HTR1F: variants seen among roughly 807,000 people sequenced by gnomAD.
HTR1F encodes 5-hydroxytryptamine receptor 1F, also known as 5-hydroxytryptamine (serotonin) receptor 1F, G protein-coupled.
HTR1F carries 17 observed loss-of-function variants against 24.0 expected under a neutral mutation model. The observed-to-expected ratio is 0.71, with a 90% CI of 0.48 to 1.06. The LOEUF (loss-of-function observed/expected upper bound fraction) is 1.06, where lower values mean the gene tolerates loss of function less well. Among genes scored for constraint, HTR1F ranks in the 50% least tolerant of loss-of-function variants. The pLI, the probability that HTR1F is intolerant of heterozygous loss-of-function variation, is 0.00. For synonymous variants in HTR1F, 186 were observed against 156.8 expected (o/e 1.19, Z -1.39); for missense variants, 391 against 427.8 (o/e 0.91, Z 0.76).
intron 2 of HTR1F, among the ~76,000 whole-genome samples, chr3:87,957,592 T>G (rs999424400): frequency 1.3e-5 from 2 of 151,404 alleles, no homozygotes; most frequent in Non-Finnish European, 3.0e-5. Flanking sequence ...TCAGATAAGG[T>G]TCTCCAGCTT....
chr3:87,849,902 A>T (rs1293180143), intron 2 of HTR1F, among the ~76,000 whole-genome samples: 2 of 151,954 alleles, frequency 1.3e-5, no homozygotes, highest in Non-Finnish European at 2.9e-5. Context: ...TCAAAACCAC[A>T]ATGAGATACC....
intron 2 of HTR1F, among the ~76,000 whole-genome samples, chr3:87,977,524 G>A (rs993932717): frequency 3.3e-5 from 5 of 149,362 alleles, no homozygotes; most frequent in African/African-American, 1.2e-4. Flanking sequence ...TCAGCCTCCT[G>A]AGTAGCTGGG....
chr3:87,989,824 AAG>A (rs1416550155), intron 2 of HTR1F, among the ~76,000 whole-genome samples: 1 of 152,202 alleles, frequency 6.6e-6, no homozygotes. Flanking sequence ...ACTGGGGAGA[AAG>A]AGAGTTTTTA....
intron 2 of HTR1F, among the ~76,000 whole-genome samples, chr3:87,923,148 G>C (rs1373357153): frequency 6.6e-6 from 1 of 151,972 alleles, no homozygotes; most frequent in Non-Finnish European, 1.5e-5. Context: ...TTGGTGCTAT[G>C]TTGTTTTGGT....
intron 2 of HTR1F, among the ~76,000 whole-genome samples, chr3:87,913,149 A>G (rs1310748638): frequency 6.6e-6 from 1 of 152,148 alleles, no homozygotes. Context: ...GAGTGAACAG[A>G]GAGTCTACAG....
intron 2 of HTR1F, among the ~76,000 whole-genome samples, chr3:87,912,953 G>C (rs1169893421): frequency 1.3e-5 from 2 of 152,158 alleles, no homozygotes; most frequent in Non-Finnish European, 2.9e-5. Context: ...ATGGATTGAA[G>C]ACTTAAATGT....
intron 2 of HTR1F, among the ~76,000 whole-genome samples, chr3:87,945,365 C>G (rs1704672861): frequency 1.3e-5 from 2 of 152,096 alleles, no homozygotes; most frequent in South Asian, 4.1e-4. Context: ...AAGTCTGAAC[C>G]ATTAGTACCT....
chr3:87,982,310 A>G (rs1705561893), intron 2 of HTR1F, among the ~76,000 whole-genome samples: 2 of 152,186 alleles, frequency 1.3e-5, no homozygotes, highest in African/African-American at 2.4e-5. Context: ...ACTTCTAAAA[A>G]TCTTAAGGGT....
At chr3:87,811,158 C>A (rs1293045207) in intron 1 of HTR1F, among the ~76,000 whole-genome samples, 1 of 151,938 alleles carries the variant, frequency 6.6e-6, no homozygotes, top group African/African-American at 2.4e-5. Context: ...ATATATGAAC[C>A]ATAGTGGCAA....
chr3:87,880,099 A>G (rs994169419), intron 2 of HTR1F, among the ~76,000 whole-genome samples: 1 of 152,184 alleles, frequency 6.6e-6, no homozygotes, highest in African/African-American at 2.4e-5. Flanking sequence ...GTGATTCGGT[A>G]TACAAAATTT....
At chr3:87,970,179 G>C (rs1365162390) in intron 2 of HTR1F, among the ~76,000 whole-genome samples, 3 of 152,210 alleles carry the variant, frequency 2.0e-5, no homozygotes, top group African/African-American at 7.2e-5. Context: ...GTGGGAATTT[G>C]AGCAAAGATT....
At chr3:87,866,847 CGTGT>C (rs1269236031) in intron 2 of HTR1F, among the ~76,000 whole-genome samples, 6 of 111,616 alleles carry the variant, frequency 5.4e-5, no homozygotes, top group Admixed American at 1.7e-4. Context: ...TGTGTGTGTG[CGTGT>C]GTGTGTTCAG....
chr3:87,879,153 C>T (rs1705732685), intron 2 of HTR1F, among the ~76,000 whole-genome samples: 1 of 152,000 alleles, frequency 6.6e-6, no homozygotes, highest in Non-Finnish European at 1.5e-5. Context: ...TAAAAGAATG[C>T]TAAGTCAAAA....
At chr3:87,811,972 C>G (rs936883237) in intron 1 of HTR1F, among the ~76,000 whole-genome samples, 12 of 152,122 alleles carry the variant, frequency 7.9e-5, no homozygotes, top group Non-Finnish European at 1.0e-4. Context: ...CTTTCATATG[C>G]ACTCTCACCT....
At chr3:87,818,268 G>A (rs1443611469) in intron 1 of HTR1F, among the ~76,000 whole-genome samples, 1 of 152,102 alleles carries the variant, frequency 6.6e-6, no homozygotes, top group East Asian at 1.9e-4. Flanking sequence ...ATAGATACCA[G>A]AGAGTTTTAA....
intron 2 of HTR1F, among the ~76,000 whole-genome samples, chr3:87,959,991 A>T (rs1705026721): frequency 6.6e-6 from 1 of 151,996 alleles, no homozygotes; most frequent in Admixed American, 6.6e-5. Context: ...AAATAGTAAC[A>T]TTATTTCTTT....
intron 2 of HTR1F, among the ~76,000 whole-genome samples, chr3:87,934,185 C>T (rs1415603199): frequency 6.6e-6 from 1 of 152,134 alleles, no homozygotes; most frequent in East Asian, 1.9e-4. Context: ...CAAGAAAACA[C>T]TAGTGAAGTA....
chr3:87,902,649 C>T (rs1706352472), intron 2 of HTR1F, among the ~76,000 whole-genome samples: 1 of 151,206 alleles, frequency 6.6e-6, no homozygotes, highest in African/African-American at 2.4e-5. Flanking sequence ...GCACAATGTG[C>T]AGGTTAGTTA....
At chr3:87,876,362 C>T (rs2107269165) in intron 2 of HTR1F, among the ~76,000 whole-genome samples, 1 of 152,152 alleles carries the variant, frequency 6.6e-6, no homozygotes, top group South Asian at 2.1e-4. Context: ...CCTAAATGTC[C>T]ATTGATGGAC....
Sources: gnomAD v4.1 joint callset for allele counts (sites outside exome capture counted in the v4.1 genomes callset) on GRCh38, gnomAD v4.1.1 for gene constraint, MANE v1.5 for transcripts, NCBI Gene and HGNC (gene_info 2026-07-23, HGNC 2026-07-21) for gene names.